ADCY2: variants seen among roughly 807,000 people sequenced by gnomAD.
The protein encoded by ADCY2 is adenylate cyclase 2, also known as adenylate cyclase type 2.
Under a neutral mutation model 125.2 loss-of-function variants are expected in ADCY2, and 31 were observed. That is an observed-to-expected ratio of 0.25 (90% CI 0.19 to 0.33). The LOEUF (loss-of-function observed/expected upper bound fraction) is 0.33. Ranked by LOEUF, ADCY2 falls within the 10% of genes least tolerant of loss-of-function variation. The probability of loss-of-function intolerance (pLI) is 1.00; values close to 1 mark genes in which losing one functional copy is unlikely to be tolerated. For missense variants in ADCY2, 904 were observed against 1,418.2 expected, an observed-to-expected ratio of 0.64 and a Z score of 5.82; for synonymous variants, 512 against 548.4, an observed-to-expected ratio of 0.93 and a Z score of 0.93.
intron 3 of ADCY2, among the ~76,000 whole-genome samples, chr5:7,541,946 G>C (rs1370150625): frequency 6.6e-6 from 1 of 152,086 alleles, no homozygotes; most frequent in Non-Finnish European, 1.5e-5. Flanking sequence ...ATAATGAGTG[G>C]GTTAACATTC....
Position 7,724,618 on chromosome 5 carries a change from A to G in ADCY2, c.1773+4A>G. 1 of 1,561,136 alleles carries G rather than the reference A, an allele frequency of 6.4e-7. No individual in the cohort carries two copies. The highest frequency in any genetic ancestry group is 8.7e-7 in the Non-Finnish European group (1 of 1,153,256). Reference sequence around the variant, plus strand: ...TAACAAAGTACTAGAAAAAGAGGTAAGTTTTTTTCTTCTTCAAAATCATCA... The same window carrying G: ...TAACAAAGTACTAGAAAAAGAGGTAGGTTTTTTTCTTCTTCAAAATCATCA... On this transcript the variant is annotated splice_donor_region_variant and intron_variant, in intron 13 of 24. Transcript: ENST00000338316.
intron 4 of ADCY2, among the ~76,000 whole-genome samples, chr5:7,637,431 CAAAAAA>C (rs71591740): frequency 1.3e-5 from 1 of 74,634 alleles, no homozygotes; most frequent in Non-Finnish European, 2.9e-5. Context: ...GACTCCGTCT[CAAAAAA>C]AAAAAAAAAA....
chr5:7,530,650 T>C (rs1734609728), intron 3 of ADCY2, among the ~76,000 whole-genome samples: 1 of 152,092 alleles, frequency 6.6e-6, no homozygotes, highest in South Asian at 2.1e-4. Flanking sequence ...ATCACTTCAC[T>C]CTCTGCCTGA....
intron 3 of ADCY2, among the ~76,000 whole-genome samples, chr5:7,547,438 G>C (rs1015912799): frequency 6.6e-6 from 1 of 152,184 alleles, no homozygotes; most frequent in Non-Finnish European, 1.5e-5. Context: ...AGCAGTCATA[G>C]GTATGGGTCT....
intron 4 of ADCY2, among the ~76,000 whole-genome samples, 198 bp downstream of exon 4, chr5:7,626,514 A>G (rs1738132555): frequency 6.6e-6 from 1 of 152,176 alleles, no homozygotes. Flanking sequence ...GTAATTTACC[A>G]AGAAAAGAGG....
At chr5:7,426,761 C>T (rs1312128983) in intron 2 of ADCY2, among the ~76,000 whole-genome samples, 2 of 152,140 alleles carry the variant, frequency 1.3e-5, no homozygotes, top group African/African-American at 4.8e-5. Flanking sequence ...CCCAGGAGAT[C>T]TAGAGCTGCC....
intron 2 of ADCY2, among the ~76,000 whole-genome samples, chr5:7,484,639 C>CA: frequency 6.6e-6 from 1 of 152,316 alleles, no homozygotes; most frequent in East Asian, 1.9e-4. Context: ...CCACCACATC[C>CA]AAATAACTAC....
chr5:7,655,373 C>T (rs1739284763), intron 4 of ADCY2, among the ~76,000 whole-genome samples: 1 of 152,172 alleles, frequency 6.6e-6, no homozygotes, highest in African/African-American at 2.4e-5. Context: ...GTGCCAAGAC[C>T]TGCCTTCTGC....
intron 20 of ADCY2, among the ~76,000 whole-genome samples, chr5:7,791,848 C>T (rs917874446): frequency 1.3e-5 from 2 of 152,022 alleles, no homozygotes; most frequent in African/African-American, 4.8e-5. Context: ...TCCAAGGACA[C>T]TGGGATGTAA....
At chr5:7,497,481 T>C (rs1743380837) in intron 2 of ADCY2, among the ~76,000 whole-genome samples, 1 of 152,140 alleles carries the variant, frequency 6.6e-6, no homozygotes, top group African/African-American at 2.4e-5. Flanking sequence ...GTTTCAGTAT[T>C]CTAGTGTCAG....
intron 1 of ADCY2, among the ~76,000 whole-genome samples, chr5:7,397,461 T>TG (rs1362340936): frequency 2.0e-5 from 3 of 149,244 alleles, no homozygotes; most frequent in East Asian, 3.9e-4. Context: ...TTTTTTTTTT[T>TG]TTTTTTTTTT....
chr5:7,758,360 C>G (rs1560955467), intron 16 of ADCY2, among the ~76,000 whole-genome samples: 2 of 152,278 alleles, frequency 1.3e-5, no homozygotes, highest in East Asian at 1.9e-4. Flanking sequence ...CCTTATTGTT[C>G]TCACATCAGC....
chr5:7,751,895 G>T (rs541449434), intron 15 of ADCY2, among the ~76,000 whole-genome samples: 1 of 152,166 alleles, frequency 6.6e-6, no homozygotes, highest in East Asian at 1.9e-4. Flanking sequence ...TCTGTGCCCT[G>T]GTAATTTCCC....
chr5:7,770,806 CT>C (rs1218972035), intron 17 of ADCY2, among the ~76,000 whole-genome samples: 2 of 152,152 alleles, frequency 1.3e-5, no homozygotes, highest in Admixed American at 1.3e-4. Context: ...TAAATAAGGG[CT>C]TCTCAAACTC....
chr5:7,815,454 G>A (rs192159630), intron 22 of ADCY2, among the ~76,000 whole-genome samples: 156 of 152,306 alleles, frequency 1.0e-3, no homozygotes, highest in Middle Eastern at 3.4e-3. Context: ...AACAGAAACC[G>A]TGCTCCACCC....
chr5:7,701,912 T>A (rs929371185), intron 7 of ADCY2, among the ~76,000 whole-genome samples: 16 of 152,172 alleles, frequency 1.1e-4, no homozygotes, highest in African/African-American at 3.6e-4. Flanking sequence ...AGTAATATCT[T>A]ATGTGTGCAG....
intron 1 of ADCY2, among the ~76,000 whole-genome samples, chr5:7,404,003 T>C (rs528415349): frequency 1.1e-4 from 17 of 151,650 alleles, no homozygotes; most frequent in African/African-American, 3.4e-4. Context: ...GTAATAAGTA[T>C]TGTTGGTTGT....
In ADCY2 at chr5:7,396,204, GC is replaced by G; in HGVS notation, c.-91del. 1 of 717,020 alleles carries G rather than the reference GC, an allele frequency of 1.4e-6. No homozygotes were observed. The highest frequency in any genetic ancestry group is 1.7e-6 in the Non-Finnish European group (1 of 588,890). The allele number at this position is 717,020 out of a possible 1,614,324, so 44.4% of individuals were successfully genotyped here. On this transcript the variant is annotated 5_prime_UTR_variant, in exon 1 of 25. Coordinates refer to ENST00000338316, the MANE Select transcript of ADCY2 (RefSeq NM_020546.3). This position sits in a 1 kb window ranked among gnomAD's most constrained non-coding sequence, Gnocchi z 5.7. ...GCTCCGGGTGCCGGCAGCCGGGCCG[GC>G]CGAGGCGGCGCGGGGGTGGGACGCG...
intron 2 of ADCY2, among the ~76,000 whole-genome samples, chr5:7,446,866 T>G (rs1468346690): frequency 6.6e-6 from 1 of 152,238 alleles, no homozygotes; most frequent in Admixed American, 6.5e-5. Context: ...GCATTTGCCT[T>G]CTGTGAATAC....
Sources: gnomAD v4.1 joint callset for allele counts (sites outside exome capture counted in the v4.1 genomes callset) on GRCh38, gnomAD v4.1.1 for gene constraint, Gnocchi (gnomAD v3.1) non-coding constraint, MANE v1.5 for transcripts, NCBI Gene and HGNC (gene_info 2026-07-23, HGNC 2026-07-21) for gene names.